The following TMOD2 variants were observed in gnomAD, a reference collection of about 807,000 sequenced individuals.
TMOD2 encodes the protein tropomodulin 2.
Under a neutral mutation model 39.9 loss-of-function variants are expected in TMOD2, and 22 were observed. That is an observed-to-expected ratio of 0.55 (90% CI 0.39 to 0.79). TMOD2 has a LOEUF of 0.79. Ranked by LOEUF, TMOD2 falls within the 30% of genes least tolerant of loss-of-function variation. The pLI is 0.00. For synonymous variants in TMOD2, 123 were observed against 146.1 expected (o/e 0.84, Z 1.14); for missense variants, 386 against 413.3 (o/e 0.93, Z 0.57).
intron 1 of TMOD2, among the ~76,000 whole-genome samples, chr15:51,757,886 G>A (rs985761487): frequency 1.3e-5 from 2 of 152,118 alleles, no homozygotes; most frequent in African/African-American, 2.4e-5. Flanking sequence ...GCAATGTAGC[G>A]AGACCCTGTC....
intron 1 of TMOD2, among the ~76,000 whole-genome samples, chr15:51,757,952 C>A (rs905241725): frequency 6.6e-6 from 1 of 152,080 alleles, no homozygotes. Context: ...GTAGTCTCAG[C>A]TGGGGTCAAA....
intron 4 of TMOD2, among the ~76,000 whole-genome samples, chr15:51,775,570 C>CTTTTTTTTTTTTTTT (rs869308022): frequency 3.7e-5 from 3 of 81,210 alleles, no homozygotes; most frequent in African/African-American, 5.2e-5. Flanking sequence ...ATTCTTTTTC[C>CTTTTTTTTTTTTTTT]TTTTTTTTTT....
chr15:51,801,235 TCTCACACACACACACACACA>T (rs1474619407), intron 8 of TMOD2, among the ~76,000 whole-genome samples: 4 of 108,984 alleles, frequency 3.7e-5, no homozygotes, highest in South Asian at 2.9e-4. Flanking sequence ...TCTCTCTCTC[TCTCACACACACACACACACA>T]CACACACACA....
chr15:51,805,978 T>C (rs907090786), intron 8 of TMOD2, among the ~76,000 whole-genome samples: 1 of 152,206 alleles, frequency 6.6e-6, no homozygotes, highest in Non-Finnish European at 1.5e-5. Flanking sequence ...AATAAAAATT[T>C]AGTAATTGGA....
chr15:51,788,341 C>T (rs903572455), intron 7 of TMOD2, among the ~76,000 whole-genome samples: 1 of 152,056 alleles, frequency 6.6e-6, no homozygotes, highest in Non-Finnish European at 1.5e-5. Flanking sequence ...TGAAAAGAAA[C>T]GAACAAAGCC....
intron 4 of TMOD2, among the ~76,000 whole-genome samples, chr15:51,776,712 A>G (rs690433): frequency 0.028 from 4,220 of 152,272 alleles, 177 homozygotes; most frequent in African/African-American, 0.096. Context: ...ATGATTCTAC[A>G]TGTGGAGACG....
rs1413678709 is a variant in TMOD2, at chr15:51,814,158, G to C, written c.*5704G>C. The C allele has an allele frequency of 6.6e-6, 1 of 152,300 alleles. No homozygotes were observed. Among genetic ancestry groups the C allele is most frequent in the Non-Finnish European group, 1.5e-5 (1 of 68,094 alleles). The allele number at this position is 152,300 out of a possible 1,614,324, so 9.4% of individuals were successfully genotyped here. A position where few individuals can be genotyped will look rare whatever the true frequency, so the allele number is the denominator to read the frequency against. On this transcript the variant is annotated 3_prime_UTR_variant, in exon 10 of 10. Transcript: ENST00000249700. ...AGGGAGAAAGCGAACAGTTGACTAA[G>C]AATTGAGGGGAGGGTCTGGAGCGCT...
intron 5 of TMOD2, among the ~76,000 whole-genome samples, chr15:51,778,924 T>C (rs1192048101): frequency 1.3e-5 from 2 of 152,120 alleles, no homozygotes; most frequent in African/African-American, 4.8e-5. Flanking sequence ...TGAAATATTA[T>C]TTATAGTGGT....
At chr15:51,803,662 A>G (rs2141643708) in intron 8 of TMOD2, among the ~76,000 whole-genome samples, 1 of 152,354 alleles carries the variant, frequency 6.6e-6, no homozygotes, top group South Asian at 2.1e-4. Context: ...ATAGTGATAA[A>G]AAGAAAGTCA....
chr15:51,757,028 T>G (rs2141611106), intron 1 of TMOD2, among the ~76,000 whole-genome samples: 1 of 152,330 alleles, frequency 6.6e-6, no homozygotes, highest in South Asian at 2.1e-4. Context: ...ATTTACTAGT[T>G]TTAGAAAATG....
At position 51,810,199 on chromosome 15, in the gene TMOD2, C is replaced by T. The variant is rs2056147230; in HGVS notation, c.*1745C>T. On this transcript the variant is annotated 3_prime_UTR_variant, in exon 10 of 10. Coordinates refer to ENST00000249700, the MANE Select transcript of TMOD2 (RefSeq NM_014548.4). ...TTTAGGTGTGATGTGTTGGAGTCAA[C>T]TTGTACAGGCTTGCCAACTGTTATA... 6.6e-6 allele frequency: 1 copy of T among 152,134 alleles called. No homozygotes were observed. Among genetic ancestry groups the T allele is most frequent in the South Asian group, 2.1e-4 (1 of 4,834 alleles). 9.4% of individuals were successfully genotyped at this position (152,134 alleles called of 1,614,324 possible).
intron 1 of TMOD2, among the ~76,000 whole-genome samples, chr15:51,753,368 G>C (rs2055720419): frequency 1.3e-5 from 2 of 152,198 alleles, no homozygotes; most frequent in African/African-American, 4.8e-5. Flanking sequence ...ACCAAGTTTA[G>C]CAGCATCTAC....
chr15:51,772,135 T>C (rs1017700542), intron 3 of TMOD2, among the ~76,000 whole-genome samples: 9 of 152,194 alleles, frequency 5.9e-5, no homozygotes, highest in African/African-American at 1.9e-4. Flanking sequence ...TGACTTTGGG[T>C]TGGACCCTTT....
chr15:51,786,893 A>G (rs2055974046), intron 7 of TMOD2, among the ~76,000 whole-genome samples: 1 of 152,226 alleles, frequency 6.6e-6, no homozygotes, highest in African/African-American at 2.4e-5. Flanking sequence ...GCTCTAGTCT[A>G]CAGCTCCCAG....
At chr15:51,786,987 T>C (rs1258931023) in intron 7 of TMOD2, among the ~76,000 whole-genome samples, 1 of 152,140 alleles carries the variant, frequency 6.6e-6, no homozygotes, top group Non-Finnish European at 1.5e-5. Flanking sequence ...GGACAGTGGG[T>C]GCAGCCCATG....
chr15:51,784,658 A>C (rs1255866437), intron 7 of TMOD2: 1 of 152,272 alleles, frequency 6.6e-6, no homozygotes, highest in Non-Finnish European at 1.5e-5. Flanking sequence ...CTATCATTAA[A>C]ATAGAAAGAT....
In TMOD2 at chr15:51,815,762, T is replaced by G. The variant is rs1006914083; in HGVS notation, c.*7308T>G. 5 of 152,220 alleles carry G rather than the reference T, an allele frequency of 3.3e-5. No homozygotes were observed. The highest frequency in any genetic ancestry group is 1.2e-4 in the African/African-American group (5 of 41,466). The allele number at this position is 152,220 out of a possible 1,614,324, so 9.4% of individuals were successfully genotyped here. ...TTTTCATCCATTCAAGCAAAATGAATAAGCAGCATTTTTCATTGCACTTAA... is the reference window on the plus strand; with the variant it reads ...TTTTCATCCATTCAAGCAAAATGAAGAAGCAGCATTTTTCATTGCACTTAA... On this transcript the variant is annotated 3_prime_UTR_variant, in exon 10 of 10. Transcript: ENST00000249700.
chr15:51,798,544 C>T (rs1223402568), intron 8 of TMOD2, among the ~76,000 whole-genome samples: 1 of 152,204 alleles, frequency 6.6e-6, no homozygotes, highest in Admixed American at 6.5e-5. Context: ...TACAGTGGGG[C>T]AGCCTGGGAC....
chr15:51,779,211 A>C (rs1004587266), intron 5 of TMOD2, among the ~76,000 whole-genome samples: 1 of 152,182 alleles, frequency 6.6e-6, no homozygotes, highest in Non-Finnish European at 1.5e-5. Flanking sequence ...AAAAATGCTC[A>C]TCCTTTTTAG....
Sources: gnomAD v4.1 joint callset for allele counts (sites outside exome capture counted in the v4.1 genomes callset) on GRCh38, gnomAD v4.1.1 for gene constraint, MANE v1.5 for transcripts, NCBI Gene and HGNC (gene_info 2026-07-23, HGNC 2026-07-21) for gene names.